FAM161B: variants seen among roughly 807,000 people sequenced by gnomAD.
FAM161B encodes FAM161 centrosomal protein B, also known as protein FAM161B.
In FAM161B, 46 loss-of-function variants were observed where a neutral mutation model predicts 61.5. The ratio of observed to expected loss-of-function variants is 0.75; its 90% CI spans 0.59 to 0.96. The LOEUF (loss-of-function observed/expected upper bound fraction) is 0.96. Among genes scored for constraint, FAM161B ranks in the 40% least tolerant of loss-of-function variants. The pLI is 0.00. For synonymous variants in FAM161B, 284 were observed against 302.7 expected (o/e 0.94, Z 0.64); for missense variants, 774 against 800.7 (o/e 0.97, Z 0.40).
intron 8 of FAM161B, 37 bp downstream of exon 8, chr14:73,935,912 T>G: frequency 6.3e-7 from 1 of 1,589,204 alleles, no homozygotes; most frequent in South Asian, 1.1e-5. Context: ...TATGACAATT[T>G]AGAGAGCTGC....
chr14:73,932,508 T>G lies in FAM161B; in HGVS notation c.*1748A>C, dbSNP rs539803860. 1 of 449,060 alleles carries G rather than the reference T, an allele frequency of 2.2e-6. No individual in the cohort carries two copies. Among genetic ancestry groups the G allele is most frequent in the African/African-American group, 2.0e-5 (1 of 49,528 alleles). The allele number at this position is 449,060 out of a possible 1,614,324, so 27.8% of individuals were successfully genotyped here. A position where few individuals can be genotyped will look rare whatever the true frequency, so the allele number is the denominator to read the frequency against. On this transcript the variant is annotated 3_prime_UTR_variant, in exon 9 of 9. Transcript: ENST00000286544. The stretch of plus-strand genomic sequence containing the variant: ...GAAAATGGCAATAAAAACAGATACT[T>G]CTGAATTTTTCCACAAAGATAGTTT...
In FAM161B at chr14:73,933,756, T is replaced by C; in HGVS notation, c.*500A>G. 6.5e-6 allele frequency: 1 copy of C among 153,334 alleles called. No individual in the cohort carries two copies. Among genetic ancestry groups the C allele is most frequent in the Admixed American group, 6.5e-5 (1 of 15,396 alleles). 9.5% of individuals were successfully genotyped at this position (153,334 alleles called of 1,614,324 possible). Reference sequence around the variant, plus strand: ...GAGGCACAAAGCAGGAACCCTTAACTTTAGGCTACCATCCCTCCACCTGAG... The same window carrying C: ...GAGGCACAAAGCAGGAACCCTTAACCTTAGGCTACCATCCCTCCACCTGAG... On this transcript the variant is annotated 3_prime_UTR_variant, in exon 9 of 9. Coordinates refer to ENST00000286544, the MANE Select transcript of FAM161B (RefSeq NM_152445.3).
Position 73,932,290 on chromosome 14 carries a change from CTT to C in FAM161B, c.*1964_*1965del, listed in dbSNP as rs1477074021. 1 of 332,260 alleles carries C rather than the reference CTT, an allele frequency of 3.0e-6. No homozygotes were observed. 20.6% of individuals were successfully genotyped at this position (332,260 alleles called of 1,614,324 possible). A position where few individuals can be genotyped will look rare whatever the true frequency, so the allele number is the denominator to read the frequency against. Reference sequence around the variant, plus strand: ...AAACAGCCCAGTCAGTTCTTTGGCTCTTGTTTTATACAAAATTTGTTTTCTTA... The same window carrying C: ...AAACAGCCCAGTCAGTTCTTTGGCTCGTTTTATACAAAATTTGTTTTCTTA... On this transcript the variant is annotated 3_prime_UTR_variant, in exon 9 of 9. Coordinates refer to ENST00000286544, the MANE Select transcript of FAM161B (RefSeq NM_152445.3).
chr14:73,938,989 G>A (rs1026875467), intron 5 of FAM161B, among the ~76,000 whole-genome samples: 1 of 151,856 alleles, frequency 6.6e-6, no homozygotes, highest in Non-Finnish European at 1.5e-5. Flanking sequence ...CTGAACTGGA[G>A]AAACGTCAGT....
chr14:73,929,142 C>T (rs191060347), downstream of FAM161B, among the ~76,000 whole-genome samples: 31 of 152,324 alleles, frequency 2.0e-4, no homozygotes, highest in African/African-American at 7.5e-4. Flanking sequence ...CTGTCTGAGC[C>T]TCACTTCTTT....
downstream of FAM161B, among the ~76,000 whole-genome samples, chr14:73,928,773 G>A (rs536549717): frequency 6.6e-6 from 1 of 152,154 alleles, no homozygotes; most frequent in South Asian, 2.1e-4. Context: ...GCAAGATCCT[G>A]TCTCTACAAA....
At chr14:73,942,774 G>A in intron 3 of FAM161B, 59 bp from the exon 4 acceptor site, 6 of 1,494,008 alleles carry the variant, frequency 4.0e-6, no homozygotes, top group Non-Finnish European at 1.8e-6. Context: ...TACAGGGTTG[G>A]AGAACTTTCC....
intron 4 of FAM161B, 108 bp downstream of exon 4, chr14:73,942,259 TAA>T: frequency 3.5e-6 from 4 of 1,149,596 alleles, no homozygotes; most frequent in Non-Finnish European, 4.9e-6. Flanking sequence ...AGCTGGTGTT[TAA>T]AAAAAAGATA....
downstream of FAM161B, chr14:73,927,842 TTTTTTTAA>T (rs775506637): frequency 1.2e-3 from 192 of 154,032 alleles, 7 homozygotes; most frequent in South Asian, 0.031. Context: ...ATTTTTTTTT[TTTTTTTAA>T]TTTTTTAGAC....
chr14:73,937,557 CT>C, intron 7 of FAM161B, 44 bp downstream of exon 7: 1 of 1,556,258 alleles, frequency 6.4e-7, no homozygotes, highest in Non-Finnish European at 8.7e-7. Flanking sequence ...TTTCAGAGTC[CT>C]TTTATCTAAG....
At chr14:73,923,244 T>C in the FAM161B span, 1 of 832,916 alleles carries the variant, frequency 1.2e-6, no homozygotes, top group Non-Finnish European at 1.7e-6. Flanking sequence ...TCACTGATAA[T>C]GCTTATCAGA....
At chr14:73,940,543 A>G (rs1467514951) in intron 5 of FAM161B, among the ~76,000 whole-genome samples, 10 of 152,070 alleles carry the variant, frequency 6.6e-5, no homozygotes, top group Admixed American at 6.5e-4. Context: ...ATTCCACAAG[A>G]CAAGACCCCC....
intron 1 of FAM161B, among the ~76,000 whole-genome samples, chr14:73,949,527 T>TAA (rs2056107641): frequency 1.3e-5 from 2 of 150,412 alleles, no homozygotes; most frequent in African/African-American, 4.9e-5. Context: ...CAATTTTTTT[T>TAA]TTTTTTTTAA....
At chr14:73,942,219 T>G in intron 4 of FAM161B, 150 bp downstream of exon 4, 1 of 759,544 alleles carries the variant, frequency 1.3e-6, no homozygotes, top group Non-Finnish European at 2.1e-6. Flanking sequence ...TGGTCTGGAG[T>G]TTATAGGAAA....
At chr14:73,936,179 AACC>A in intron 7 of FAM161B, 91 bp from the exon 8 acceptor site, 4 of 1,363,914 alleles carry the variant, frequency 2.9e-6, no homozygotes, top group African/African-American at 1.4e-5. Context: ...ATACTGCCAC[AACC>A]ACCACCACCC....
rs544707570 is a variant in FAM161B at position 73,944,542 on chromosome 14, G to C, written c.718C>G (p.Arg240Gly). ...CTCTTCTGGATCCCTGCCTGCCTTC[G>C]GGCCTCGCTGCGCTCCATGATCTCT... ...YQEIMERSEARRQAGIQKRKE... is the reference protein window; with the variant it reads ...YQEIMERSEAGRQAGIQKRKE... Residue 240 changes from arginine (R) to glycine (G), a missense_variant, in exon 3 of 9, where the codon CGA (arginine) becomes GGA (glycine). Transcript: ENST00000286544. 2.5e-6 allele frequency: 4 copies of C among 1,613,980 alleles called. No homozygotes were observed. The highest frequency in any genetic ancestry group is 4.5e-5 in the East Asian group (2 of 44,868).
At chr14:73,946,707 T>C (rs1214956027) in intron 1 of FAM161B, 102 bp from the exon 2 acceptor site, 7 of 1,262,506 alleles carry the variant, frequency 5.5e-6, no homozygotes, top group Non-Finnish European at 7.6e-6. Context: ...TATTAGGGAC[T>C]GGGGAGAATT....
downstream of FAM161B, chr14:73,931,947 G>T (rs1184924795): frequency 1.8e-5 from 8 of 457,108 alleles, no homozygotes; most frequent in East Asian, 5.5e-4. Flanking sequence ...ACCAACAACA[G>T]AGCTTCACCA....
Position 73,934,331 on chromosome 14 carries a change from T to C in FAM161B, c.1869A>G (p.Glu623=). The C allele has an allele frequency of 6.2e-7, 1 of 1,614,204 alleles. No homozygotes were observed. The highest frequency in any genetic ancestry group is 2.2e-5 in the East Asian group (1 of 44,888). ...DPEQGLEGSL[E]QPASPRKVLE... ...GTACTTTCCTGGGGCTTGCAGGCTG[T>C]TCTAGAGATCCTTCTAAACCCTGCT... Residue 623 remains glutamate, a synonymous_variant, in exon 9 of 9, where the codon GAA becomes GAG. Transcript: ENST00000286544.
Sources: gnomAD v4.1 joint callset for allele counts (sites outside exome capture counted in the v4.1 genomes callset) on GRCh38, gnomAD v4.1.1 for gene constraint, MANE v1.5 for transcripts, NCBI Gene and HGNC (gene_info 2026-07-23, HGNC 2026-07-21) for gene names.